MFGE8: variants seen among roughly 807,000 people sequenced by gnomAD.
MFGE8 encodes lactadherin.
A neutral mutation model predicts 42.6 loss-of-function variants in MFGE8; 34 were observed. The observed-to-expected ratio is 0.80, with a 90% CI of 0.61 to 1.06. MFGE8 has a LOEUF of 1.06. Among genes scored for constraint, MFGE8 ranks in the 50% least tolerant of loss-of-function variants. The pLI, the probability that MFGE8 is intolerant of heterozygous loss-of-function variation, is 0.00. For missense variants in MFGE8, 510 were observed against 516.9 expected, an observed-to-expected ratio of 0.99 and a Z score of 0.13; for synonymous variants, 230 against 214.8, an observed-to-expected ratio of 1.07 and a Z score of -0.62.
chr15:88,907,052 C>G lies in MFGE8; in HGVS notation c.387+143G>C, dbSNP rs1452622794. The stretch of plus-strand genomic sequence containing the variant: ...CAGGTTCCTCCAGGGATGCCATCCA[C>G]TTACAGATACTTCATCCATGGGAAC... On this transcript the variant is annotated intron_variant, in intron 3 of 7. Transcript: ENST00000268150. 3 of 1,122,012 alleles carry G rather than the reference C, an allele frequency of 2.7e-6. No homozygotes were observed. The African/African-American group carries it at 4.6e-5, about 17-fold the overall frequency. 69.5% of individuals were successfully genotyped at this position (1,122,012 alleles called of 1,614,324 possible).
At chr15:88,912,897 A>G (rs763200715) in intron 1 of MFGE8, 3 of 985,256 alleles carry the variant, frequency 3.0e-6, no homozygotes, top group Non-Finnish European at 3.6e-6. Context: ...TCCCAGGTGG[A>G]AGGGGTTCGA....
chr15:88,901,659 G>A lies in MFGE8; in HGVS notation c.762C>T (p.Thr254=). Residue 254 remains threonine, a synonymous_variant, in exon 6 of 8, where the codon ACC becomes ACT. Transcript: ENST00000268150. ...KQITASSSYK[T]WGLHLFSWNP... ...TCCAGCTGAAGAGATGCAAGCCCCAGGTCTTGTAGCTGCTGGAGGCCGTGA... is the reference window on the plus strand; with the variant it reads ...TCCAGCTGAAGAGATGCAAGCCCCAAGTCTTGTAGCTGCTGGAGGCCGTGA... 3 of 1,613,928 alleles carry A rather than the reference G, an allele frequency of 1.9e-6. No individual in the cohort carries two copies. Among genetic ancestry groups the A allele is most frequent in the Non-Finnish European group, 2.5e-6 (3 of 1,179,990 alleles).
Position 88,902,158 on chromosome 15 carries a change from G to GAGA in MFGE8, c.686-424_686-423insTCT. The GAGA allele has an allele frequency of 1.3e-5, 3 of 227,736 alleles. No individual in the cohort carries two copies. Among genetic ancestry groups the GAGA allele is most frequent in the Admixed American group, 5.0e-5 (1 of 19,946 alleles). 14.1% of individuals were successfully genotyped at this position (227,736 alleles called of 1,614,324 possible). ...CCCCCATCGCCTCGGCCTCCCATCC[G>GAGA]TCCCATGGCACAGTCACTATCTACT... On this transcript the variant is annotated intron_variant, in intron 5 of 7. Coordinates refer to ENST00000268150, the MANE Select transcript of MFGE8 (RefSeq NM_005928.4). The surrounding 1 kb of genome is among the most constrained non-coding windows in gnomAD (Gnocchi z 4.3).
Position 88,902,940 on chromosome 15 carries a change from CCCACCTGTA to C in MFGE8, c.686-1214_686-1206del, listed in dbSNP as rs1288585928. 2 of 152,178 alleles carry C rather than the reference CCCACCTGTA, an allele frequency of 1.3e-5. No individual in the cohort carries two copies. The highest frequency in any genetic ancestry group is 2.9e-5 in the Non-Finnish European group (2 of 68,060). The allele number at this position is 152,178 out of a possible 1,614,324, so 9.4% of individuals were successfully genotyped here. A position where few individuals can be genotyped will look rare whatever the true frequency, so the allele number is the denominator to read the frequency against. On this transcript the variant is annotated intron_variant, in intron 5 of 7. Transcript: ENST00000268150. This position sits in a 1 kb window ranked among gnomAD's most constrained non-coding sequence, Gnocchi z 4.3. ...GGGAGCCAGCTAAGTTATATCACTG[CCCACCTGTA>C]CTCTCACCACTCAAGACATTTGCCT...
chr15:88,910,158 T>C, intron 1 of MFGE8: 1 of 478,244 alleles, frequency 2.1e-6, no homozygotes, highest in East Asian at 4.4e-5. Flanking sequence ...CCAAGTGGCC[T>C]GGGAGTGTCC....
At position 88,909,756 on chromosome 15, in the gene MFGE8, G is replaced by T. The variant is rs143704933; in HGVS notation, c.205+36C>A. 135 of 1,612,950 alleles carry T rather than the reference G, an allele frequency of 8.4e-5. No homozygotes were observed. The African/African-American group carries it at 1.5e-3, about 18-fold the overall frequency. On this transcript the variant is annotated intron_variant, in intron 2 of 7. Transcript: ENST00000268150. Reference sequence around the variant, plus strand: ...CCAGGGCTGTGGCTCAGGGTCTACTGCTAGAAACAGGCAACAAGCACCCCC... The same window carrying T: ...CCAGGGCTGTGGCTCAGGGTCTACTTCTAGAAACAGGCAACAAGCACCCCC...
At position 88,906,337 on chromosome 15, in the gene MFGE8, A is replaced by G; in HGVS notation, c.540+289T>C. ...AACCTACACAACTGTACATGTACCC[A>G]TGAAGGCTCAGAATGAAACCCAGCT... On this transcript the variant is annotated intron_variant, in intron 4 of 7. Transcript: ENST00000268150. This position sits in a 1 kb window ranked among gnomAD's most constrained non-coding sequence, Gnocchi z 4.2. 1 of 486,364 alleles carries G rather than the reference A, an allele frequency of 2.1e-6. No individual in the cohort carries two copies. The allele number at this position is 486,364 out of a possible 1,614,324, so 30.1% of individuals were successfully genotyped here.
rs1218158690 is a variant in MFGE8 at position 88,899,200 on chromosome 15, G to T, written c.*195C>A. ...TGAGGACTGGGGGTTAGGGGACGGGGCTTAGGGGCTGGGGCAGGGCCCGTG... is the reference window on the plus strand; with the variant it reads ...TGAGGACTGGGGGTTAGGGGACGGGTCTTAGGGGCTGGGGCAGGGCCCGTG... On this transcript the variant is annotated 3_prime_UTR_variant, in exon 8 of 8. Transcript: ENST00000268150. The surrounding 1 kb of genome is among the most constrained non-coding windows in gnomAD (Gnocchi z 6.8). 1.2e-4 allele frequency: 85 copies of T among 706,592 alleles called. No homozygotes were observed. The highest frequency in any genetic ancestry group is 9.5e-6 in the Non-Finnish European group (4 of 418,982). 43.8% of individuals were successfully genotyped at this position (706,592 alleles called of 1,614,324 possible). A position where few individuals can be genotyped will look rare whatever the true frequency, so the allele number is the denominator to read the frequency against.
In MFGE8 at chr15:88,906,714, C is replaced by T. The variant is rs767282268; in HGVS notation, c.452G>A (p.Ser151Asn). The T allele has an allele frequency of 1.2e-6, 2 of 1,613,920 alleles. No homozygotes were observed. Among genetic ancestry groups the T allele is most frequent in the South Asian group, 1.1e-5 (1 of 91,064 alleles). Residue 151 changes from serine to asparagine, a missense_variant, in exon 4 of 8, where the codon AGT becomes AAT. Ser to Asn is a conservative substitution (Grantham distance 46). Coordinates refer to ENST00000268150, the MANE Select transcript of MFGE8 (RefSeq NM_005928.4). This position sits in a 1 kb window ranked among gnomAD's most constrained non-coding sequence, Gnocchi z 4.2. ...VVTQGASRLASHEYLKAFKVA... is the reference protein window; with the variant it reads ...VVTQGASRLANHEYLKAFKVA... ...CTTGAAGGCCTTCAGGTACTCATGACTGGCCAAGCGGCTGGCACCCTGCGT... is the reference window on the plus strand; with the variant it reads ...CTTGAAGGCCTTCAGGTACTCATGATTGGCCAAGCGGCTGGCACCCTGCGT...
intron 1 of MFGE8, chr15:88,912,808 C>T (rs1899029863): frequency 1.0e-6 from 1 of 985,304 alleles, no homozygotes; most frequent in Non-Finnish European, 1.2e-6. Flanking sequence ...ATGAACTGTC[C>T]AGCCAACTGG....
chr15:88,913,033 G>A lies in MFGE8; in HGVS notation c.73+214C>T, dbSNP rs1899038771. 8 of 985,266 alleles carry A rather than the reference G, an allele frequency of 8.1e-6. No homozygotes were observed. In the South Asian group the frequency reaches 2.3e-4, roughly 29 times the overall value. The allele number at this position is 985,266 out of a possible 1,614,324, so 61.0% of individuals were successfully genotyped here. On this transcript the variant is annotated intron_variant, in intron 1 of 7. Coordinates refer to ENST00000268150, the MANE Select transcript of MFGE8 (RefSeq NM_005928.4). ...CGGCAGGGCTGTCACCCGATGTCCC[G>A]AGTCCCAGCCCAAAAGCCCCAGCGC...
At chr15:88,900,717 C>T in intron 6 of MFGE8, 1 of 985,460 alleles carries the variant, frequency 1.0e-6, no homozygotes, top group Non-Finnish European at 1.2e-6. Context: ...GCTTCCTCAT[C>T]TATAAAACAA....
Position 88,901,726 on chromosome 15 carries a change from T to C in MFGE8, c.695A>G (p.Asn232Ser). The C allele has an allele frequency of 1.2e-6, 2 of 1,613,892 alleles. No homozygotes were observed. The highest frequency in any genetic ancestry group is 2.2e-5 in the East Asian group (1 of 44,870). The change falls in exon 6 of 8, where the codon AAT (asparagine) becomes AGT (serine). Residue 232 changes from asparagine (N) to serine (S), a missense_variant. Asn to Ser is a conservative substitution (Grantham distance 46, BLOSUM62 1). Coordinates refer to ENST00000268150, the MANE Select transcript of MFGE8 (RefSeq NM_005928.4). ...GCTGTTATTCTTCAGGCCCAGGGGA[T>C]TGGCGCATCCTGCCAGCAAGGTGGG... ...LLGCELNGCA[N>S]PLGLKNNSIP...
In MFGE8 at chr15:88,913,284, G is replaced by A. The variant is rs781754434; in HGVS notation, c.36C>T (p.Gly12=). The change falls in exon 1 of 8, where the codon GGC becomes GGT. Residue 12 remains glycine (G), a synonymous_variant. Coordinates refer to ENST00000268150, the MANE Select transcript of MFGE8 (RefSeq NM_005928.4). The part of the protein sequence containing the change: ...PRPRLLAALC[G]ALLCAPSLLV... ...GGAGGCTGGGGGCGCAGAGCAGCGC[G>A]CCGCACAGCGCGGCCAGCAGGCGGG... 1 of 1,483,054 alleles carries A rather than the reference G, an allele frequency of 6.7e-7. No individual in the cohort carries two copies. The highest frequency in any genetic ancestry group is 8.9e-7 in the Non-Finnish European group (1 of 1,125,726). The allele number at this position is 1,483,054 out of a possible 1,614,324, so 91.9% of individuals were successfully genotyped here.
chr15:88,909,673 A>G, intron 2 of MFGE8, 119 bp downstream of exon 2: 1 of 1,460,910 alleles, frequency 6.8e-7, no homozygotes, highest in Non-Finnish European at 9.6e-7. Context: ...AGGCCTTGAC[A>G]CCTCCACTGG....
Position 88,901,688 on chromosome 15 carries a change from G to A in MFGE8, c.733C>T (p.Gln245Ter). 6.2e-7 allele frequency: 1 copy of A among 1,613,890 alleles called. No homozygotes were observed. The highest frequency in any genetic ancestry group is 8.5e-7 in the Non-Finnish European group (1 of 1,179,992). Reference protein sequence around the residue: ...GLKNNSIPDKQITASSSYKTW... With the variant: ...GLKNNSIPDK The stretch of plus-strand genomic sequence containing the variant: ...TTGTAGCTGCTGGAGGCCGTGATCT[G>A]CTTGTCAGGGATGCTGTTATTCTTC... Residue 245 changes from glutamine to a stop codon, truncating the protein, a stop_gained, in exon 6 of 8, where the codon CAG becomes TAG. Coordinates refer to ENST00000268150, the MANE Select transcript of MFGE8 (RefSeq NM_005928.4). LOFTEE classifies it high-confidence loss of function.
At chr15:88,901,009 ACACACACACATTCT>A (rs1413216081) in intron 6 of MFGE8, among the ~76,000 whole-genome samples, 1 of 151,006 alleles carries the variant, frequency 6.6e-6, no homozygotes, top group African/African-American at 2.4e-5. Context: ...ACATTCACAC[ACACACACACATTCT>A]CACACACACA....
intron 5 of MFGE8, 24 bp from the exon 6 acceptor site, chr15:88,901,759 C>G: frequency 6.2e-7 from 1 of 1,613,496 alleles, no homozygotes; most frequent in South Asian, 1.1e-5. Flanking sequence ...GGGCTGTCAT[C>G]TGGATCTGGG....
intron 1 of MFGE8, chr15:88,912,116 C>T (rs1443600839): frequency 7.8e-7 from 1 of 1,289,758 alleles, no homozygotes. Context: ...TCTACCCAGC[C>T]ACGTTACCTG....
Sources: allele counts gnomAD v4.1 joint callset (sites outside exome capture counted in the v4.1 genomes callset), GRCh38; gene constraint gnomAD v4.1.1; non-coding constraint Gnocchi (gnomAD v3.1); transcripts MANE v1.5; gene names NCBI Gene and HGNC (gene_info 2026-07-23, HGNC 2026-07-21).